Variants in DTNB observed in about 807,000 individuals in gnomAD.
The protein encoded by DTNB is dystrobrevin beta.
A neutral mutation model predicts 90.7 loss-of-function variants in DTNB; 63 were observed. The ratio of observed to expected loss-of-function variants is 0.69; its 90% CI spans 0.57 to 0.86. DTNB has a LOEUF of 0.86. Among genes scored for constraint, DTNB ranks in the 40% least tolerant of loss-of-function variants. DTNB has a pLI of 0.00. For synonymous variants in DTNB, 277 were observed against 286.7 expected, an observed-to-expected ratio of 0.97 and a Z score of 0.34; for missense variants, 744 against 807.1, an observed-to-expected ratio of 0.92 and a Z score of 0.95.
rs62130087 is a variant in DTNB, at chr2:25,540,851, G to A, written c.877-9254C>T. Among the ~76,000 whole-genome samples, 7 of 152,066 alleles carry A rather than the reference G, an allele frequency of 4.6e-5. No individual in the cohort carries two copies. The East Asian group carries it at 5.8e-4, about 13-fold the overall frequency. ...ACAGATGCTTGAAGGCAGCATGCTC[G>A]TTAAGAGTCATCACCACTCCCTAAT... On this transcript the variant is annotated intron_variant, in intron 8 of 20. Coordinates refer to ENST00000406818, the MANE Select transcript of DTNB (RefSeq NM_021907.5).
At chr2:25,416,174 T>C (rs2047872994) in intron 16 of DTNB, among the ~76,000 whole-genome samples, 1 of 152,192 alleles carries the variant, frequency 6.6e-6, no homozygotes, top group South Asian at 2.1e-4. Flanking sequence ...CTGAATTTTT[T>C]GGTGTAAGAA....
At chr2:25,559,204 C>T (rs746036936) in intron 8 of DTNB, among the ~76,000 whole-genome samples, 9 of 152,164 alleles carry the variant, frequency 5.9e-5, no homozygotes, top group Non-Finnish European at 1.0e-4. Flanking sequence ...CCCCAATCCT[C>T]AACTCTCAAA....
intron 8 of DTNB, among the ~76,000 whole-genome samples, chr2:25,557,961 G>T (rs2057642125): frequency 6.6e-6 from 1 of 152,206 alleles, no homozygotes; most frequent in African/African-American, 2.4e-5. Flanking sequence ...TAAACAAGAA[G>T]AACGAGCTGG....
chr2:25,406,006 G>T (rs2149685247), intron 16 of DTNB, among the ~76,000 whole-genome samples: 1 of 152,280 alleles, frequency 6.6e-6, no homozygotes, highest in Middle Eastern at 3.4e-3. Flanking sequence ...AGAAAAAATG[G>T]ACTTGAAGTT....
chr2:25,502,321 C>T (rs77380800), intron 9 of DTNB, among the ~76,000 whole-genome samples: 4,965 of 152,206 alleles, frequency 0.033, 239 homozygotes, highest in African/African-American at 0.11. Context: ...AATAGAGGAG[C>T]GATACCTTCA....
intron 12 of DTNB, among the ~76,000 whole-genome samples, chr2:25,444,462 G>C (rs2058074018): frequency 6.6e-6 from 1 of 151,626 alleles, no homozygotes; most frequent in African/African-American, 2.4e-5. Flanking sequence ...TTGAACCTGG[G>C]AGGAGGAGGT....
intron 14 of DTNB, among the ~76,000 whole-genome samples, chr2:25,430,701 T>C (rs940895477): frequency 5.9e-5 from 9 of 152,210 alleles, no homozygotes; most frequent in African/African-American, 1.9e-4. Flanking sequence ...GGATAGGCGT[T>C]CACCCAGTGG....
At chr2:25,494,432 C>G (rs181846232) in intron 9 of DTNB, among the ~76,000 whole-genome samples, 1 of 127,596 alleles carries the variant, frequency 7.8e-6, no homozygotes, top group South Asian at 2.4e-4. Context: ...GACTACTAGC[C>G]TCAAATCTAA....
intron 6 of DTNB, among the ~76,000 whole-genome samples, chr2:25,583,238 T>G (rs2148232460): frequency 8.6e-6 from 1 of 116,598 alleles, no homozygotes; most frequent in Non-Finnish European, 1.7e-5. Context: ...TGCAGTGAGA[T>G]TCCGTCTCAA....
At chr2:25,474,340 G>A (rs1217922801) in intron 10 of DTNB, among the ~76,000 whole-genome samples, 1 of 149,142 alleles carries the variant, frequency 6.7e-6, no homozygotes, top group Admixed American at 6.7e-5. Flanking sequence ...GTGTTGACTT[G>A]GTGAAATTCT....
At chr2:25,439,065 G>T (rs1048837666) in intron 12 of DTNB, among the ~76,000 whole-genome samples, 2 of 152,210 alleles carry the variant, frequency 1.3e-5, no homozygotes, top group Non-Finnish European at 2.9e-5. Flanking sequence ...ACAACTAAAT[G>T]TAATGTATCC....
At chr2:25,544,710 A>C (rs975125155) in intron 8 of DTNB, among the ~76,000 whole-genome samples, 4 of 152,192 alleles carry the variant, frequency 2.6e-5, no homozygotes, top group African/African-American at 9.7e-5. Context: ...CAGTCCTTTA[A>C]TCATGCCTCA....
intron 10 of DTNB, among the ~76,000 whole-genome samples, chr2:25,473,367 T>C (rs1001690211): frequency 2.0e-5 from 3 of 152,222 alleles, no homozygotes; most frequent in African/African-American, 7.2e-5. Flanking sequence ...CCCATCACCA[T>C]CACTTGATGG....
intron 19 of DTNB, 145 bp from the exon 20 acceptor site, chr2:25,379,468 C>T (rs933213817): frequency 2.2e-5 from 23 of 1,043,626 alleles, no homozygotes; most frequent in Non-Finnish European, 2.6e-5. Flanking sequence ...CTTTTCCCAC[C>T]CAGGTATGAC....
chr2:25,615,066 C>T (rs1382167639), intron 4 of DTNB, among the ~76,000 whole-genome samples: 1 of 152,170 alleles, frequency 6.6e-6, no homozygotes, highest in Non-Finnish European at 1.5e-5. Flanking sequence ...ATGACCCTTC[C>T]TTGGACTGAT....
At chr2:25,572,800 T>G (rs1231743618) in intron 8 of DTNB, among the ~76,000 whole-genome samples, 1 of 152,200 alleles carries the variant, frequency 6.6e-6, no homozygotes, top group Non-Finnish European at 1.5e-5. Flanking sequence ...TGATTCCATG[T>G]GCCAGTAACC....
intron 11 of DTNB, among the ~76,000 whole-genome samples, chr2:25,454,131 C>G (rs2059664369): frequency 6.8e-6 from 1 of 146,546 alleles, no homozygotes; most frequent in African/African-American, 2.5e-5. Context: ...ACCTGGACGA[C>G]ACAGTGAGAC....
chr2:25,482,626 G>C lies in DTNB; in HGVS notation c.1079+170C>G, dbSNP rs541158974. Reference sequence around the variant, plus strand: ...ATTTGTGAGTCGGTGGGGGAAAAAAGGAAAATAAAAAGTAGAAATTAAGAC... The same window carrying C: ...ATTTGTGAGTCGGTGGGGGAAAAAACGAAAATAAAAAGTAGAAATTAAGAC... On this transcript the variant is annotated intron_variant, in intron 10 of 20. Coordinates refer to ENST00000406818, the MANE Select transcript of DTNB (RefSeq NM_021907.5). 2.0e-3 allele frequency among the ~76,000 whole-genome samples: 307 copies of C among 152,164 alleles called. 1 individual carries two copies. Among genetic ancestry groups the C allele is most frequent in the African/African-American group, 7.1e-3 (293 of 41,518 alleles).
intron 4 of DTNB, among the ~76,000 whole-genome samples, chr2:25,625,170 T>C (rs1223492105): frequency 6.6e-6 from 1 of 152,162 alleles, no homozygotes; most frequent in African/African-American, 2.4e-5. Context: ...AACTTTAACC[T>C]TATGGAATTA....
Sources: gnomAD v4.1 joint callset for allele counts (sites outside exome capture counted in the v4.1 genomes callset) on GRCh38, gnomAD v4.1.1 for gene constraint, MANE v1.5 for transcripts, NCBI Gene and HGNC (gene_info 2026-07-23, HGNC 2026-07-21) for gene names.